MOK: variants seen among roughly 807,000 people sequenced by gnomAD.
MOK encodes MAPK/MAK/MRK overlapping kinase.
MOK carries 59 observed loss-of-function variants against 54.2 expected under a neutral mutation model. The observed-to-expected ratio is 1.09, with a 90% confidence interval of 0.88 to 1.35. The LOEUF (loss-of-function observed/expected upper bound fraction) is 1.35, where lower values mean the gene tolerates loss of function less well. Among genes scored for constraint, MOK ranks in the 40% most tolerant of loss-of-function variants. The pLI, the probability that MOK is intolerant of heterozygous loss-of-function variation, is 0.00. For synonymous variants in MOK, 210 were observed against 202.7 expected (o/e 1.04, Z -0.31); for missense variants, 517 against 526.2 (o/e 0.98, Z 0.17).
intron 4 of MOK, among the ~76,000 whole-genome samples, chr14:102,261,917 C>T (rs1297983216): frequency 1.3e-5 from 2 of 150,524 alleles, no homozygotes; most frequent in South Asian, 2.1e-4. Flanking sequence ...GATCTTGGCT[C>T]GCTGCAAGCT....
chr14:102,296,229 G>A lies in MOK; in HGVS notation c.7+8733C>T, dbSNP rs144090462. On this transcript the variant is annotated intron_variant, in intron 1 of 11. Transcript: ENST00000361847. ...CCACTGCACTCCAGCCTGGGCAACA[G>A]ACTGAGAGTACGTCTCAAAAAAAAA... Among the ~76,000 whole-genome samples the A allele has an allele frequency of 6.1e-3, 814 of 133,204 alleles. 16 individuals are homozygous for A. The highest frequency in any genetic ancestry group is 0.039 in the Admixed American group (471 of 11,982). 87.4% of individuals were successfully genotyped at this position (133,204 alleles called of 152,430 possible). A position where few individuals can be genotyped will look rare whatever the true frequency, so the allele number is the denominator to read the frequency against.
At chr14:102,273,249 A>T (rs2068542939) in intron 2 of MOK, among the ~76,000 whole-genome samples, 1 of 151,642 alleles carries the variant, frequency 6.6e-6, no homozygotes, top group African/African-American at 2.4e-5. Flanking sequence ...TAAGTAAAAA[A>T]TCCTAAGAAA....
At chr14:102,297,100 G>C (rs71415887) in intron 1 of MOK, among the ~76,000 whole-genome samples, 14,787 of 151,546 alleles carry the variant, frequency 0.098, 954 homozygotes, top group African/African-American at 0.18. Flanking sequence ...ACTCACGCCT[G>C]TAATACCAGC....
intron 7 of MOK, among the ~76,000 whole-genome samples, chr14:102,243,985 A>G (rs2153101153): frequency 6.6e-6 from 1 of 152,352 alleles, no homozygotes; most frequent in East Asian, 1.9e-4. Context: ...ACTACGCATC[A>G]ATATTTATAC....
At chr14:102,255,726 C>A (rs1247193808) in intron 4 of MOK, among the ~76,000 whole-genome samples, 2 of 152,170 alleles carry the variant, frequency 1.3e-5, no homozygotes. Context: ...TTCTTGTTTT[C>A]AAACAGTTTG....
intron 2 of MOK, chr14:102,280,785 A>G (rs1450471751): frequency 6.6e-6 from 1 of 152,182 alleles, no homozygotes; most frequent in Non-Finnish European, 1.5e-5. Flanking sequence ...CATCACCGGG[A>G]AACCATGTCC....
chr14:102,239,322 G>T lies in MOK; in HGVS notation c.591-5533C>A, dbSNP rs573132396. 1.6e-4 allele frequency among the ~76,000 whole-genome samples: 23 copies of T among 145,212 alleles called. 1 individual carries two copies. The South Asian group carries it at 4.9e-3, about 31-fold the overall frequency. On this transcript the variant is annotated intron_variant, in intron 7 of 11. Transcript: ENST00000361847. ...ATAGCTCTAGCCAGCGTCAGAGCCA[G>T]CCCAAAGGCACCCTCCTTCCTCAGC...
rs976615613 is a variant in MOK at position 102,229,127 on chromosome 14, G to A, written c.*162C>T. ...AACATCCTAGGCAGCTGCGCGGGCC[G>A]CGGGTGCGGCAGGGCGCAGGGCAGC... On this transcript the variant is annotated 3_prime_UTR_variant, in exon 12 of 12. Transcript: ENST00000361847. 4 of 680,100 alleles carry A rather than the reference G, an allele frequency of 5.9e-6. No homozygotes were observed. Among genetic ancestry groups the A allele is most frequent in the African/African-American group, 3.6e-5 (2 of 55,066 alleles). The allele number at this position is 680,100 out of a possible 1,614,324, so 42.1% of individuals were successfully genotyped here.
intron 1 of MOK, among the ~76,000 whole-genome samples, chr14:102,286,623 A>T (rs1018473846): frequency 6.6e-6 from 1 of 152,182 alleles, no homozygotes; most frequent in Admixed American, 6.6e-5. Flanking sequence ...AGAAAAAAAA[A>T]TAACTTGCTC....
Position 102,251,813 on chromosome 14 carries a change from A to G in MOK, c.363-9T>C, listed in dbSNP as rs748729939. On this transcript the variant is annotated splice_polypyrimidine_tract_variant and intron_variant, in intron 5 of 11. Transcript: ENST00000361847. ...TGTGAAATATTCCATTTCTGCATTC[A>G]GTATAAAGGAAAAATAGAATTACAC... 1.9e-6 allele frequency: 3 copies of G among 1,559,084 alleles called. No individual in the cohort carries two copies. The highest frequency in any genetic ancestry group is 2.6e-6 in the Non-Finnish European group (3 of 1,133,454).
chr14:102,276,842 T>C (rs2153160121), intron 2 of MOK, among the ~76,000 whole-genome samples: 1 of 151,618 alleles, frequency 6.6e-6, no homozygotes, highest in East Asian at 1.9e-4. Context: ...CAGTAGAATT[T>C]CTGTATTTCT....
At chr14:102,279,814 T>C (rs1000715350) in intron 2 of MOK, among the ~76,000 whole-genome samples, 6 of 152,124 alleles carry the variant, frequency 3.9e-5, no homozygotes, top group African/African-American at 9.6e-5. Flanking sequence ...TACTAATCCA[T>C]TATGTGTATT....
At chr14:102,281,948 T>C (rs11845197) in intron 2 of MOK, among the ~76,000 whole-genome samples, 19,538 of 152,216 alleles carry the variant, frequency 0.13, 1,733 homozygotes, top group African/African-American at 0.25. Context: ...ACCGTATGCA[T>C]TGGGCAGTGA....
At chr14:102,260,604 C>T (rs985223848) in intron 4 of MOK, 3 of 152,072 alleles carry the variant, frequency 2.0e-5, no homozygotes, top group African/African-American at 7.2e-5. Flanking sequence ...ATTTTAACAT[C>T]TCTGAACCTA....
chr14:102,298,981 A>T (rs1008405385), intron 1 of MOK, among the ~76,000 whole-genome samples: 2 of 152,080 alleles, frequency 1.3e-5, no homozygotes, highest in Non-Finnish European at 2.9e-5. Flanking sequence ...ACCCACCAGA[A>T]GGAAGAAACT....
chr14:102,272,139 G>A (rs895695949), intron 2 of MOK, among the ~76,000 whole-genome samples: 2 of 152,098 alleles, frequency 1.3e-5, no homozygotes, highest in Non-Finnish European at 2.9e-5. Context: ...CCAATGTGCT[G>A]GGATTAAAGG....
chr14:102,236,582 C>T lies in MOK; in HGVS notation c.591-2793G>A, dbSNP rs958536363. Among the ~76,000 whole-genome samples the T allele has an allele frequency of 2.0e-5, 3 of 152,192 alleles. No individual in the cohort carries two copies. Among genetic ancestry groups the T allele is most frequent in the Admixed American group, 2.0e-4 (3 of 15,288 alleles). On this transcript the variant is annotated intron_variant, in intron 7 of 11. Transcript: ENST00000361847. This position sits in a 1 kb window ranked among gnomAD's most constrained non-coding sequence, Gnocchi z 4.5. ...TTCTATCACCTTTTTCTCCCTCCCT[C>T]AACCGGAGTCCCTCCTACTCCTCTA... is the stretch of plus-strand genomic sequence containing the variant.
downstream of MOK, among the ~76,000 whole-genome samples, chr14:102,228,024 G>A (rs893700663): frequency 2.0e-5 from 3 of 152,210 alleles, no homozygotes; most frequent in Non-Finnish European, 4.4e-5. Context: ...AGATAAACAA[G>A]AGGACTTACT....
chr14:102,267,505 G>T (rs959305448), intron 2 of MOK, among the ~76,000 whole-genome samples: 1 of 152,194 alleles, frequency 6.6e-6, no homozygotes, highest in Admixed American at 6.5e-5. Flanking sequence ...GGTGGAGGCT[G>T]CAGTAAGCCA....
Sources: gnomAD v4.1 joint callset for allele counts (sites outside exome capture counted in the v4.1 genomes callset) on GRCh38, gnomAD v4.1.1 for gene constraint, Gnocchi (gnomAD v3.1) non-coding constraint, MANE v1.5 for transcripts, NCBI Gene and HGNC (gene_info 2026-07-23, HGNC 2026-07-21) for gene names.